The following CELF2 variants were observed in gnomAD, a reference collection of about 807,000 sequenced individuals.
CELF2 encodes CUG triplet repeat RNA-binding protein 2.
CELF2 carries 8 observed loss-of-function variants against 62.6 expected under a neutral mutation model. The ratio of observed to expected loss-of-function variants is 0.13; its 90% CI spans 0.07 to 0.23. The LOEUF is 0.23. CELF2 is among the 10% of genes least tolerant of loss of function. The pLI, the probability that CELF2 is intolerant of heterozygous loss-of-function variation, is 1.00. For missense variants in CELF2, 333 were observed against 671.0 expected, an observed-to-expected ratio of 0.50 and a Z score of 5.56; for synonymous variants, 258 against 250.0, an observed-to-expected ratio of 1.03 and a Z score of -0.30.
At chr10:10,929,631 CCT>C (rs1358290200) in intron 2 of CELF2, 2 of 152,216 alleles carry the variant, frequency 1.3e-5, no homozygotes, top group African/African-American at 4.8e-5. Flanking sequence ...AGTTTCTTCA[CCT>C]CTGTCTGCCT....
chr10:10,470,383 A>C, the CELF2 span, among the ~76,000 whole-genome samples: 1 of 151,848 alleles, frequency 6.6e-6, no homozygotes, highest in Non-Finnish European at 1.5e-5. Context: ...TCTGTAGATC[A>C]GAAGTCTGAT....
intron 3 of CELF2, among the ~76,000 whole-genome samples, chr10:11,221,675 A>G (rs2064925518): frequency 6.6e-6 from 1 of 152,262 alleles, no homozygotes; most frequent in South Asian, 2.1e-4. Context: ...AACCTCTTAA[A>G]TTTTAACAGC....
chr10:10,488,158 G>A, the CELF2 span, among the ~76,000 whole-genome samples: 1 of 151,982 alleles, frequency 6.6e-6, no homozygotes, highest in Non-Finnish European at 1.5e-5. Context: ...TTATTTTGAA[G>A]TATTAGTTAA....
chr10:10,474,461 A>G, the CELF2 span, among the ~76,000 whole-genome samples: 1 of 152,116 alleles, frequency 6.6e-6, no homozygotes, highest in Non-Finnish European at 1.5e-5. Flanking sequence ...TGCAGACCAT[A>G]ATGTCTATGG....
chr10:11,005,262 G>A (rs1391403271), upstream of CELF2: 3 of 1,239,990 alleles, frequency 2.4e-6, no homozygotes, highest in Non-Finnish European at 3.2e-6. This position sits in a 1 kb window ranked among gnomAD's most constrained non-coding sequence, Gnocchi z 4.3. Context: ...GAGGGAGAGA[G>A]AGAGAGAGAG....
intron 3 of CELF2, among the ~76,000 whole-genome samples, chr10:11,229,619 C>CA (rs2067888040): frequency 6.8e-6 from 1 of 146,606 alleles, no homozygotes; most frequent in African/African-American, 2.5e-5. Flanking sequence ...TTTTTTGAGA[C>CA]AGTCTCGCTC....
intron 1 of CELF2, among the ~76,000 whole-genome samples, chr10:10,847,066 G>T (rs2059061090): frequency 6.6e-6 from 1 of 152,020 alleles, no homozygotes; most frequent in Non-Finnish European, 1.5e-5. Flanking sequence ...CTTGAAGAGG[G>T]TGTTGTAAAG....
At position 11,058,272 on chromosome 10, in the gene CELF2, A is replaced by G. The variant is rs1217246628; in HGVS notation, c.74+40109A>G. Among the ~76,000 whole-genome samples, 3 of 152,300 alleles carry G rather than the reference A, an allele frequency of 2.0e-5. No homozygotes were observed. In the East Asian group the frequency reaches 5.8e-4, roughly 29 times the overall value. On this transcript the variant is annotated intron_variant, in intron 1 of 12. Transcript: ENST00000633077. ...ATTCTCCTGTAGTCTGACTGTATAT[A>G]GCTGTCACTGCCCTGGTGTGTGCTT...
At chr10:10,687,904 A>G in the CELF2 span, among the ~76,000 whole-genome samples, 1 of 152,234 alleles carries the variant, frequency 6.6e-6, no homozygotes, top group Non-Finnish European at 1.5e-5. Flanking sequence ...AATAGGAACA[A>G]TGGATCTTCT....
intron 1 of CELF2, among the ~76,000 whole-genome samples, chr10:11,081,766 A>G (rs1028877061): frequency 1.3e-5 from 2 of 152,234 alleles, no homozygotes; most frequent in Non-Finnish European, 1.5e-5. Flanking sequence ...AGTATTGGCA[A>G]AGGGTTTCTA....
the CELF2 span, among the ~76,000 whole-genome samples, chr10:10,661,156 C>T: frequency 6.6e-6 from 1 of 152,234 alleles, no homozygotes; most frequent in Non-Finnish European, 1.5e-5. Flanking sequence ...AAACTCCTTC[C>T]TGCCCCTTTC....
the CELF2 span, among the ~76,000 whole-genome samples, chr10:10,533,894 C>T: frequency 6.6e-6 from 1 of 152,034 alleles, no homozygotes; most frequent in African/African-American, 2.4e-5. Flanking sequence ...ATTTGAATTT[C>T]TGAAATTAAA....
At chr10:11,101,833 A>G (rs2051746532) in intron 1 of CELF2, among the ~76,000 whole-genome samples, 1 of 152,204 alleles carries the variant, frequency 6.6e-6, no homozygotes, top group African/African-American at 2.4e-5. Flanking sequence ...TTTGTATCTT[A>G]TATGGAATTA....
At chr10:10,698,036 C>G in the CELF2 span, among the ~76,000 whole-genome samples, 2 of 152,118 alleles carry the variant, frequency 1.3e-5, no homozygotes, top group Admixed American at 6.5e-5. Context: ...TGAGGTGATC[C>G]GCCCACTTCA....
At chr10:10,632,196 T>G in the CELF2 span, among the ~76,000 whole-genome samples, 3 of 152,198 alleles carry the variant, frequency 2.0e-5, no homozygotes, top group Non-Finnish European at 4.4e-5. Flanking sequence ...TTTCTAGATT[T>G]AAATCTGATC....
Position 11,237,563 on chromosome 10 carries a change from G to A in CELF2, c.355-11590G>A, listed in dbSNP as rs993553643. 2.6e-5 allele frequency among the ~76,000 whole-genome samples: 4 copies of A among 152,228 alleles called. No homozygotes were observed. Among genetic ancestry groups the A allele is most frequent in the Non-Finnish European group, 4.4e-5 (3 of 68,040 alleles). ...TTGAGGCCAGCACATGTACCAGGTC[G>A]TCAAGGGGAGCCCAGGTGCAAGGGC... On this transcript the variant is annotated intron_variant, in intron 3 of 12. Transcript: ENST00000633077. The surrounding 1 kb of genome is among the most constrained non-coding windows in gnomAD (Gnocchi z 4.0).
the CELF2 span, among the ~76,000 whole-genome samples, chr10:10,549,672 T>C: frequency 5.9e-5 from 9 of 152,198 alleles, no homozygotes; most frequent in African/African-American, 2.2e-4. Flanking sequence ...TCTGTGCTTG[T>C]CTATGTTCTC....
intron 9 of CELF2, among the ~76,000 whole-genome samples, chr10:11,299,572 G>A (rs148950183): frequency 6.8e-4 from 103 of 152,242 alleles, no homozygotes; most frequent in Admixed American, 1.1e-3. Context: ...GCCCGAGCCC[G>A]GTCCCATCAT....
intron 1 of CELF2, among the ~76,000 whole-genome samples, chr10:11,091,067 G>A (rs1379350160): frequency 1.3e-5 from 2 of 152,166 alleles, no homozygotes; most frequent in African/African-American, 4.8e-5. Context: ...GTTACCTTCT[G>A]AAATTCCTTT....
Sources: gnomAD v4.1 joint callset for allele counts (sites outside exome capture counted in the v4.1 genomes callset) on GRCh38, gnomAD v4.1.1 for gene constraint, Gnocchi (gnomAD v3.1) non-coding constraint, MANE v1.5 for transcripts, NCBI Gene and HGNC (gene_info 2026-07-23, HGNC 2026-07-21) for gene names.